The following TTLL5 variants were observed in gnomAD, a reference collection of about 807,000 sequenced individuals.
The protein encoded by TTLL5 is tubulin polyglutamylase TTLL5.
Under a neutral mutation model 168.4 loss-of-function variants are expected in TTLL5, and 132 were observed. The observed-to-expected ratio is 0.78, with a 90% CI of 0.68 to 0.91. The LOEUF (loss-of-function observed/expected upper bound fraction) is 0.91. Ranked by LOEUF, TTLL5 falls within the 40% of genes least tolerant of loss-of-function variation. The pLI is 0.00. For missense variants in TTLL5, 1,545 were observed against 1,581.5 expected, an observed-to-expected ratio of 0.98 and a Z score of 0.39; for synonymous variants, 546 against 558.6, an observed-to-expected ratio of 0.98 and a Z score of 0.32.
intron 3 of TTLL5, among the ~76,000 whole-genome samples, chr14:75,671,175 T>C (rs769565429): frequency 1.4e-4 from 21 of 152,218 alleles, no homozygotes; most frequent in Non-Finnish European, 2.4e-4. Flanking sequence ...TTTTCCCCAC[T>C]GGATGGTCTT....
chr14:75,661,868 G>GTT (rs372509490), intron 1 of TTLL5, among the ~76,000 whole-genome samples: 6 of 147,888 alleles, frequency 4.1e-5, no homozygotes, highest in Admixed American at 6.7e-5. Flanking sequence ...ATCGGGGTCT[G>GTT]TTTTTTTTTT....
chr14:75,806,243 G>T (rs1441731485), intron 27 of TTLL5, among the ~76,000 whole-genome samples: 1 of 151,990 alleles, frequency 6.6e-6, no homozygotes, highest in African/African-American at 2.4e-5. Flanking sequence ...CTTGGCCAGA[G>T]TGGTTTCAAA....
chr14:75,712,738 A>G (rs1887174528), intron 9 of TTLL5, among the ~76,000 whole-genome samples: 1 of 152,150 alleles, frequency 6.6e-6, no homozygotes, highest in African/African-American at 2.4e-5. Context: ...TCAGACTTTT[A>G]GACAAATTAT....
rs778792332 is a variant in TTLL5, at chr14:75,874,933, C to CCTTTTTTTTTTTTTTT, written c.3523-7752_3523-7751insCTTTTTTTTTTTTTTT. ...AGAGAAAAAAAAAGACACTGGGGGC[C>CCTTTTTTTTTTTTTTT]TTTTTTTTTTTTTTTTTTGAGACGG... On this transcript the variant is annotated intron_variant, in intron 29 of 31. Transcript: ENST00000298832. Among the ~76,000 whole-genome samples the CCTTTTTTTTTTTTTTT allele has an allele frequency of 9.0e-4, 88 of 97,530 alleles. 20 individuals carry two copies. The highest frequency in any genetic ancestry group is 4.2e-3 in the African/African-American group (86 of 20,368). The allele number at this position is 97,530 out of a possible 152,430, so 64.0% of individuals were successfully genotyped here.
rs1885303658 is a variant in TTLL5 at position 75,689,586 on chromosome 14, T to C, written c.372-606T>C. On this transcript the variant is annotated intron_variant, in intron 5 of 31. Coordinates refer to ENST00000298832, the MANE Select transcript of TTLL5 (RefSeq NM_015072.5). ...TTCATAATCTCCAAAAATTAAACAA[T>C]CCAAATGCCTTCAACTGGTGAATGG... The C allele has an allele frequency of 2.0e-5, 3 of 152,254 alleles. No homozygotes were observed. In the South Asian group the frequency reaches 6.2e-4, roughly 32 times the overall value. The allele number at this position is 152,254 out of a possible 1,614,324, so 9.4% of individuals were successfully genotyped here.
At position 75,954,453 on chromosome 14, in the gene TTLL5, A is replaced by G; in HGVS notation, c.*7A>G. The G allele has an allele frequency of 1.2e-6, 2 of 1,613,924 alleles. No homozygotes were observed. The highest frequency in any genetic ancestry group is 1.7e-6 in the Non-Finnish European group (2 of 1,179,950). ...TGCTCACACTAAAATATGAACCACA[A>G]ACACACAGAGAAACAACCTGTTCAC... On this transcript the variant is annotated 3_prime_UTR_variant, in exon 32 of 32. Coordinates refer to ENST00000298832, the MANE Select transcript of TTLL5 (RefSeq NM_015072.5).
chr14:75,772,742 A>G (rs1891421382), intron 21 of TTLL5, among the ~76,000 whole-genome samples: 1 of 149,396 alleles, frequency 6.7e-6, no homozygotes, highest in South Asian at 2.1e-4. Context: ...ATCTCAGCTC[A>G]CTGCAACCTC....
At chr14:75,871,043 C>G (rs2030992988) in intron 29 of TTLL5, among the ~76,000 whole-genome samples, 1 of 152,128 alleles carries the variant, frequency 6.6e-6, no homozygotes, top group Non-Finnish European at 1.5e-5. Context: ...ATCTGCCCAC[C>G]CTCGGCCTCC....
intron 31 of TTLL5, among the ~76,000 whole-genome samples, chr14:75,925,115 GGGGCGGCTGGCCGGGC>G (rs2033982142): frequency 1.4e-5 from 2 of 146,950 alleles, no homozygotes; most frequent in Non-Finnish European, 1.5e-5. Flanking sequence ...CCTCCCGGAC[GGGGCGGCTGGCCGGGC>G]GGGTGGCTGA....
At chr14:75,827,284 A>G (rs867814202) in intron 28 of TTLL5, among the ~76,000 whole-genome samples, 10 of 152,332 alleles carry the variant, frequency 6.6e-5, no homozygotes, top group Middle Eastern at 3.4e-3. Context: ...AAAATACAGT[A>G]TTATAGCAGG....
chr14:75,790,460 CT>C (rs1380300592), intron 26 of TTLL5, among the ~76,000 whole-genome samples: 1 of 151,332 alleles, frequency 6.6e-6, no homozygotes, highest in Non-Finnish European at 1.5e-5. Context: ...CAGGAATTTT[CT>C]TTCTTTTTTT....
Position 75,882,868 on chromosome 14 carries a change from G to T in TTLL5, c.3706G>T (p.Val1236Leu), listed in dbSNP as rs753751587. Residue 1236 changes from valine to leucine, a missense_variant, in exon 30 of 32, where the codon GTG becomes TTG. By Grantham distance (32) the Val-to-Leu change is conservative (BLOSUM62 1). Transcript: ENST00000298832. ...VPKPPPNHEQ[V>L]LRRATSQKAS... is the part of the protein sequence containing the mutation. ...CAAACCCCCACCCAACCACGAACAA[G>T]TGCTCAGAAGGGCAACATCCCAGAA... The T allele has an allele frequency of 1.4e-5, 22 of 1,614,046 alleles. No homozygotes were observed. The highest frequency in any genetic ancestry group is 1.7e-5 in the Non-Finnish European group (20 of 1,180,028).
At chr14:75,916,644 CA>C (rs2033625568) in intron 31 of TTLL5, among the ~76,000 whole-genome samples, 1 of 152,010 alleles carries the variant, frequency 6.6e-6, no homozygotes, top group South Asian at 2.1e-4. Flanking sequence ...CTCAAAAAAA[CA>C]AAAAAATTGA....
intron 10 of TTLL5, 48 bp downstream of exon 10, chr14:75,718,010 T>A (rs572351651): frequency 6.4e-7 from 1 of 1,561,616 alleles, no homozygotes; most frequent in Non-Finnish European, 8.8e-7. Context: ...GTCTCAGATG[T>A]GGGTGTTGTA....
At chr14:75,870,079 A>G (rs923751261) in intron 29 of TTLL5, among the ~76,000 whole-genome samples, 2 of 151,974 alleles carry the variant, frequency 1.3e-5, no homozygotes, top group Admixed American at 6.6e-5. Flanking sequence ...TTCGCCTCCA[A>G]AAGTGCTGGG....
At chr14:75,856,601 C>T (rs1367062057) in intron 28 of TTLL5, among the ~76,000 whole-genome samples, 3 of 146,664 alleles carry the variant, frequency 2.0e-5, no homozygotes, top group African/African-American at 5.0e-5. Flanking sequence ...TTGATGTATT[C>T]TCATGATATT....
At chr14:75,746,245 T>A (rs1889601483) in intron 17 of TTLL5, among the ~76,000 whole-genome samples, 1 of 151,706 alleles carries the variant, frequency 6.6e-6, no homozygotes, top group Non-Finnish European at 1.5e-5. Context: ...TGAAGAATAG[T>A]TCATTATTAT....
chr14:75,870,797 G>GTT (rs551516323), intron 29 of TTLL5, among the ~76,000 whole-genome samples: 151 of 138,952 alleles, frequency 1.1e-3, no homozygotes, highest in African/African-American at 3.1e-3. Flanking sequence ...GCTTGCTTTG[G>GTT]TTTTTTTTTT....
chr14:75,861,445 G>A (rs892056228), intron 28 of TTLL5, among the ~76,000 whole-genome samples: 1 of 152,178 alleles, frequency 6.6e-6, no homozygotes, highest in African/African-American at 2.4e-5. Flanking sequence ...GCTCTGTTGA[G>A]TCATCAGGAC....
Sources: gnomAD v4.1 joint callset for allele counts (sites outside exome capture counted in the v4.1 genomes callset) on GRCh38, gnomAD v4.1.1 for gene constraint, MANE v1.5 for transcripts, NCBI Gene and HGNC (gene_info 2026-07-23, HGNC 2026-07-21) for gene names.